The following PPARA variants were observed in gnomAD, a reference collection of about 807,000 sequenced individuals.
PPARA encodes the protein peroxisome proliferator activated receptor alpha, also known as peroxisome proliferator-activated receptor alpha.
PPARA carries 22 observed loss-of-function variants against 42.2 expected under a neutral mutation model. The ratio of observed to expected loss-of-function variants is 0.52; its 90% CI spans 0.37 to 0.74. PPARA has a LOEUF of 0.74. Ranked by LOEUF, PPARA falls within the 30% of genes least tolerant of loss-of-function variation. The pLI is 0.00. For missense variants in PPARA, 465 were observed against 608.2 expected (o/e 0.76, Z 2.48); for synonymous variants, 242 against 239.3 (o/e 1.01, Z -0.10).
At position 46,232,360 on chromosome 22, in the gene PPARA, T is replaced by G; in HGVS notation, c.1159+121T>G. The G allele has an allele frequency of 1.0e-6, 1 of 969,460 alleles. No individual in the cohort carries two copies. The highest frequency in any genetic ancestry group is 1.7e-5 in the Admixed American group (1 of 58,102). The allele number at this position is 969,460 out of a possible 1,614,324, so 60.1% of individuals were successfully genotyped here. The stretch of plus-strand genomic sequence containing the variant: ...TCCAGTGGAGGGGACACTCACATGG[T>G]GGGAAGACGTCTGACCCCCAGTCAC... On this transcript the variant is annotated intron_variant, in intron 8 of 8. Transcript: ENST00000407236. The surrounding 1 kb of genome is among the most constrained non-coding windows in gnomAD (Gnocchi z 5.3).
At chr22:46,159,406 T>C (rs1925812738) in intron 2 of PPARA, among the ~76,000 whole-genome samples, 1 of 152,156 alleles carries the variant, frequency 6.6e-6, no homozygotes. Context: ...AGTTGTACGA[T>C]TGTCGTTTTT....
In PPARA at chr22:46,160,600, ATTGT is replaced by A. The variant is rs1316620415; in HGVS notation, c.-127+8637_-127+8640del. ...CGTGAGCCACCGCACCTGGCCCAAT[ATTGT>A]TTGTTTATTTATTTCTTGACAGGAT... is the stretch of plus-strand genomic sequence containing the variant. On this transcript the variant is annotated intron_variant, in intron 2 of 8. Transcript: ENST00000407236. This position sits in a 1 kb window ranked among gnomAD's most constrained non-coding sequence, Gnocchi z 4.5. Among the ~76,000 whole-genome samples, 1 of 149,482 alleles carries A rather than the reference ATTGT, an allele frequency of 6.7e-6. No homozygotes were observed. The highest frequency in any genetic ancestry group is 1.5e-5 in the Non-Finnish European group (1 of 67,604).
intron 4 of PPARA, among the ~76,000 whole-genome samples, chr22:46,199,534 C>T (rs1442180237): frequency 6.6e-6 from 1 of 152,084 alleles, no homozygotes; most frequent in Non-Finnish European, 1.5e-5. Context: ...GTCCTAGCTA[C>T]TCAGGATGCT....
At position 46,162,299 on chromosome 22, in the gene PPARA, T is replaced by C. The variant is rs1926308878; in HGVS notation, c.-127+10329T>C. The stretch of plus-strand genomic sequence containing the variant: ...TGTTGTCCCATCCATCCAATGTTTA[T>C]GGGATGAGAGGTTGATAGGAGGGCA... On this transcript the variant is annotated intron_variant, in intron 2 of 8. Transcript: ENST00000407236. This position sits in a 1 kb window ranked among gnomAD's most constrained non-coding sequence, Gnocchi z 6.0. Among the ~76,000 whole-genome samples the C allele has an allele frequency of 6.6e-6, 1 of 152,154 alleles. No individual in the cohort carries two copies. The highest frequency in any genetic ancestry group is 1.5e-5 in the Non-Finnish European group (1 of 68,010).
At position 46,227,634 on chromosome 22, in the gene PPARA, CAT is replaced by C. The variant is rs758041421; in HGVS notation, c.712-4157_712-4156del. 3.6e-4 allele frequency among the ~76,000 whole-genome samples: 55 copies of C among 152,314 alleles called. No individual in the cohort carries two copies. Among genetic ancestry groups the C allele is most frequent in the Admixed American group, 6.5e-4 (10 of 15,296 alleles). On this transcript the variant is annotated intron_variant, in intron 7 of 8. Transcript: ENST00000407236. This position sits in a 1 kb window ranked among gnomAD's most constrained non-coding sequence, Gnocchi z 4.3. ...TGATATCATTGAGCTTCGTAGGCCACATGAGTGTGTGCCGGGACCAGTGTGGC... is the reference window on the plus strand; with the variant it reads ...TGATATCATTGAGCTTCGTAGGCCACGAGTGTGTGCCGGGACCAGTGTGGC...
chr22:46,155,722 G>T (rs550863700), intron 2 of PPARA: 1 of 152,300 alleles, frequency 6.6e-6, no homozygotes, highest in African/African-American at 2.4e-5. Context: ...CACCTTTAAG[G>T]CCATGTGGTT....
In PPARA at chr22:46,224,998, A is replaced by C. The variant is rs1356756104; in HGVS notation, c.711+4984A>C. On this transcript the variant is annotated intron_variant, in intron 7 of 8. Transcript: ENST00000407236. This position sits in a 1 kb window ranked among gnomAD's most constrained non-coding sequence, Gnocchi z 5.7. ...GGGGGGGGCCTGAAACCGGTGGGGG[A>C]GTTGTGGGAGGCCTAGAATCAGCCA... Among the ~76,000 whole-genome samples, 16 of 116,296 alleles carry C rather than the reference A, an allele frequency of 1.4e-4. No individual in the cohort carries two copies. The highest frequency in any genetic ancestry group is 1.2e-3 in the Admixed American group (14 of 11,430). 76.3% of individuals were successfully genotyped at this position (116,296 alleles called of 152,430 possible).
chr22:46,240,831 G>C lies in PPARA; in HGVS notation c.*5451G>C, dbSNP rs1035390723. 1 of 152,220 alleles carries C rather than the reference G, an allele frequency of 6.6e-6. No homozygotes were observed. Among genetic ancestry groups the C allele is most frequent in the Non-Finnish European group, 1.5e-5 (1 of 68,050 alleles). 9.4% of individuals were successfully genotyped at this position (152,220 alleles called of 1,614,324 possible). On this transcript the variant is annotated 3_prime_UTR_variant, in exon 9 of 9. Transcript: ENST00000407236. The surrounding 1 kb of genome is among the most constrained non-coding windows in gnomAD (Gnocchi z 6.0). Reference sequence around the variant, plus strand: ...GGAATTTCTTACCAACCAAATATTTGCATCGAGCAAAGGGGGCTGTGTGCA... The same window carrying C: ...GGAATTTCTTACCAACCAAATATTTCCATCGAGCAAAGGGGGCTGTGTGCA...
At chr22:46,177,006 T>C (rs4253665) in intron 3 of PPARA, among the ~76,000 whole-genome samples, 170 bp downstream of exon 3, 5,357 of 152,234 alleles carry the variant, frequency 0.035, 113 homozygotes, top group Middle Eastern at 0.051. Context: ...GTTAGGAGAT[T>C]GAGACCATCC....
chr22:46,175,352 C>G (rs999774524), intron 2 of PPARA, among the ~76,000 whole-genome samples: 6 of 152,210 alleles, frequency 3.9e-5, no homozygotes, highest in African/African-American at 1.2e-4. Flanking sequence ...ACCCACTTCT[C>G]TCCTACCTTC....
At position 46,216,362 on chromosome 22, in the gene PPARA, G is replaced by A. The variant is rs1213857676; in HGVS notation, c.369+1029G>A. Among the ~76,000 whole-genome samples the A allele has an allele frequency of 2.1e-5, 3 of 145,480 alleles. No individual in the cohort carries two copies. The highest frequency in any genetic ancestry group is 2.0e-4 in the East Asian group (1 of 5,054). ...CGAGCCATTTCACTCCAGCCTAGGC[G>A]ACAAGAGTAAAACTTCATCTCAAAA... is the stretch of plus-strand genomic sequence containing the variant. On this transcript the variant is annotated intron_variant, in intron 5 of 8. Coordinates refer to ENST00000407236, the MANE Select transcript of PPARA (RefSeq NM_005036.6). The surrounding 1 kb of genome is among the most constrained non-coding windows in gnomAD (Gnocchi z 4.5).
chr22:46,231,907 G>T lies in PPARA; in HGVS notation c.827G>T (p.Cys276Phe). 1 of 1,614,168 alleles carries T rather than the reference G, an allele frequency of 6.2e-7. No homozygotes were observed. The highest frequency in any genetic ancestry group is 8.5e-7 in the Non-Finnish European group (1 of 1,179,998). ...KEAEVRIFHC[C>F]QCTSVETVTE... is the part of the protein sequence containing the mutation. ...GCGGAGGTCCGCATCTTTCACTGCTGCCAGTGCACGTCAGTGGAGACCGTC... is the reference window on the plus strand; with the variant it reads ...GCGGAGGTCCGCATCTTTCACTGCTTCCAGTGCACGTCAGTGGAGACCGTC... Residue 276 changes from cysteine (C) to phenylalanine (F), a missense_variant, in exon 8 of 9, where the codon TGC (cysteine) becomes TTC (phenylalanine). Physicochemically the swap from Cys to Phe is radical, Grantham distance 205. This residue lies in a region of PPARA where 313 missense variants were observed against 469.1 expected (regional missense o/e 0.67). Transcript: ENST00000407236. This position sits in a 1 kb window ranked among gnomAD's most constrained non-coding sequence, Gnocchi z 7.7.
chr22:46,178,113 G>A (rs4253678), intron 3 of PPARA, among the ~76,000 whole-genome samples: 3,967 of 152,174 alleles, frequency 0.026, 124 homozygotes, highest in African/African-American at 0.074. Context: ...TTTAGGACTC[G>A]TAAGGAGGGG....
Position 46,173,909 on chromosome 22 carries a change from A to G in PPARA, c.-126-2844A>G, listed in dbSNP as rs1254744979. 2.0e-5 allele frequency among the ~76,000 whole-genome samples: 3 copies of G among 151,714 alleles called. No homozygotes were observed. The highest frequency in any genetic ancestry group is 7.3e-5 in the African/African-American group (3 of 41,018). ...CACATATATACATACATACCTATAA[A>G]GAAAGAAATTATGGGCTAGGTGCAG... On this transcript the variant is annotated intron_variant, in intron 2 of 8. Transcript: ENST00000407236. The surrounding 1 kb of genome is among the most constrained non-coding windows in gnomAD (Gnocchi z 4.3).
chr22:46,154,293 A>G (rs1487447733), intron 2 of PPARA, among the ~76,000 whole-genome samples: 1 of 152,170 alleles, frequency 6.6e-6, no homozygotes, highest in Non-Finnish European at 1.5e-5. Context: ...TTTTTCTTGC[A>G]TGCTGTTTTG....
In PPARA at chr22:46,174,876, ATTAAC is replaced by A. The variant is rs563264635; in HGVS notation, c.-126-1872_-126-1868del. On this transcript the variant is annotated intron_variant, in intron 2 of 8. Coordinates refer to ENST00000407236, the MANE Select transcript of PPARA (RefSeq NM_005036.6). ...TTCCTCCCTTTTAGTACTTTTAAAA[ATTAAC>A]TTAAAACATTTTTTGGATAATTGTA... Among the ~76,000 whole-genome samples, 15 of 152,188 alleles carry A rather than the reference ATTAAC, an allele frequency of 9.9e-5. 1 individual carries two copies. The South Asian group carries it at 3.1e-3, about 32-fold the overall frequency.
intron 3 of PPARA, among the ~76,000 whole-genome samples, chr22:46,194,821 A>T (rs945355114): frequency 1.4e-5 from 2 of 140,232 alleles, no homozygotes; most frequent in African/African-American, 5.3e-5. Context: ...TGATCAGCCC[A>T]CCTCAGCCTC....
Position 46,195,242 on chromosome 22 carries a change from A to T in PPARA, c.-42-3100A>T, listed in dbSNP as rs1932094335. Among the ~76,000 whole-genome samples the T allele has an allele frequency of 6.6e-6, 1 of 152,206 alleles. No homozygotes were observed. The highest frequency in any genetic ancestry group is 1.5e-5 in the Non-Finnish European group (1 of 68,038). ...TCTATTGGGATGAACCTCATGGTTA[A>T]TACAGTTAGTTAGTGACTGCAACTT... On this transcript the variant is annotated intron_variant, in intron 3 of 8. Coordinates refer to ENST00000407236, the MANE Select transcript of PPARA (RefSeq NM_005036.6). The surrounding 1 kb of genome is among the most constrained non-coding windows in gnomAD (Gnocchi z 4.6).
intron 4 of PPARA, among the ~76,000 whole-genome samples, chr22:46,213,547 A>G (rs1934142886): frequency 6.6e-6 from 1 of 151,458 alleles, no homozygotes; most frequent in African/African-American, 2.4e-5. Context: ...AGCTGGGACT[A>G]CAGGCACGCA....
Sources: gnomAD v4.1 joint callset for allele counts (sites outside exome capture counted in the v4.1 genomes callset) on GRCh38, gnomAD v4.1.1 for gene constraint, gnomAD v4.1.1 regional missense constraint, Gnocchi (gnomAD v3.1) non-coding constraint, MANE v1.5 for transcripts, NCBI Gene and HGNC (gene_info 2026-07-23, HGNC 2026-07-21) for gene names.